PLCH1: variants seen among roughly 807,000 people sequenced by gnomAD.
PLCH1 encodes phospholipase C eta 1.
PLCH1 carries 60 observed loss-of-function variants against 126.7 expected under a neutral mutation model. The observed-to-expected ratio is 0.47, with a 90% CI of 0.38 to 0.59. The LOEUF (loss-of-function observed/expected upper bound fraction) is 0.59. Among genes scored for constraint, PLCH1 ranks in the 20% least tolerant of loss-of-function variants. The pLI is 0.00. For synonymous variants in PLCH1, 719 were observed against 734.9 expected (o/e 0.98, Z 0.35); for missense variants, 1,723 against 2,040.0 (o/e 0.84, Z 2.99).
chr3:155,564,960 C>G lies in PLCH1; in HGVS notation c.1024G>C (p.Asp342His). The G allele has an allele frequency of 6.2e-7, 1 of 1,613,984 alleles. No individual in the cohort carries two copies. The highest frequency in any genetic ancestry group is 8.5e-7 in the Non-Finnish European group (1 of 1,179,888). ...GDQLLSQSKV[D>H]MYARVLQEGC... is the part of the protein sequence containing the mutation. ...TCTTGCAGCACCCGTGCATACATAT[C>G]CACTTTGGACTGAGAAAGGAGCTGG... Residue 342 changes from aspartate (D) to histidine (H), a missense_variant, in exon 8 of 23, where the codon GAT becomes CAT. Around this residue, in one of 2 missense-constraint regions of PLCH1, gnomAD observed 776 missense variants for 1,062.9 expected, o/e 0.73. Transcript: ENST00000460012.
chr3:155,643,035 G>A (rs146232544), intron 2 of PLCH1, among the ~76,000 whole-genome samples: 1,588 of 152,158 alleles, frequency 0.01, 30 homozygotes, highest in African/African-American at 0.037. Flanking sequence ...TGCAACCTCC[G>A]CCTCCTGAGT....
chr3:155,607,400 T>G (rs1181037595), intron 2 of PLCH1, among the ~76,000 whole-genome samples: 5 of 152,114 alleles, frequency 3.3e-5, no homozygotes, highest in South Asian at 2.1e-4. Context: ...CATGAATGCA[T>G]TTTAGTTTTT....
chr3:155,561,114 CT>C (rs11344107), intron 8 of PLCH1, among the ~76,000 whole-genome samples: 74,107 of 149,804 alleles, frequency 0.49, 21,261 homozygotes, highest in Non-Finnish European at 0.65. Flanking sequence ...ATCACCTTTT[CT>C]TTTTTTTTTA....
At chr3:155,544,316 C>G (rs1724867647) in intron 10 of PLCH1, among the ~76,000 whole-genome samples, 1 of 152,124 alleles carries the variant, frequency 6.6e-6, no homozygotes, top group Admixed American at 6.5e-5. Flanking sequence ...GTAAAGGGAC[C>G]AATTCAACAA....
At chr3:155,623,956 A>C (rs1217749781) in intron 2 of PLCH1, among the ~76,000 whole-genome samples, 1 of 152,174 alleles carries the variant, frequency 6.6e-6, no homozygotes, top group East Asian at 1.9e-4. Flanking sequence ...AAAAAAGAAA[A>C]TTTCAGGCCC....
intron 2 of PLCH1, among the ~76,000 whole-genome samples, chr3:155,622,742 G>A (rs1736685164): frequency 6.6e-6 from 1 of 152,064 alleles, no homozygotes; most frequent in Non-Finnish European, 1.5e-5. Context: ...ACTCAACACA[G>A]GAGCACTCAG....
intron 6 of PLCH1, among the ~76,000 whole-genome samples, chr3:155,575,136 A>T (rs73154266): frequency 0.053 from 8,076 of 152,214 alleles, 252 homozygotes; most frequent in Middle Eastern, 0.1. Context: ...ATCTAAAAAA[A>T]AAATAAATAA....
At chr3:155,642,158 C>T (rs73007013) in intron 2 of PLCH1, among the ~76,000 whole-genome samples, 2,736 of 152,256 alleles carry the variant, frequency 0.018, 87 homozygotes, top group African/African-American at 0.062. Context: ...CCCTATTTTA[C>T]AACAGAAGCT....
intron 12 of PLCH1, among the ~76,000 whole-genome samples, chr3:155,513,272 A>C (rs1265206567): frequency 6.6e-6 from 1 of 152,202 alleles, no homozygotes; most frequent in African/African-American, 2.4e-5. Context: ...AAAAACCTCA[A>C]AAATAAGTAA....
intron 1 of PLCH1, among the ~76,000 whole-genome samples, chr3:155,708,408 T>G (rs114361478): frequency 0.021 from 3,242 of 152,246 alleles, 130 homozygotes; most frequent in African/African-American, 0.074. Context: ...AGACTTCAAC[T>G]AAGACAAACC....
In PLCH1 at chr3:155,525,160, T is replaced by C. The variant is rs138300862; in HGVS notation, c.1363-1156A>G. 7.7e-3 allele frequency among the ~76,000 whole-genome samples: 1,180 copies of C among 152,262 alleles called. 6 individuals carry two copies. The highest frequency in any genetic ancestry group is 0.021 in the South Asian group (100 of 4,822). ...CATAGTAAGACCCCATTTCTATTTTTATTAAAAAGTGAAAGAATAGATGAC... is the reference window on the plus strand; with the variant it reads ...CATAGTAAGACCCCATTTCTATTTTCATTAAAAAGTGAAAGAATAGATGAC... On this transcript the variant is annotated intron_variant, in intron 10 of 22. Transcript: ENST00000460012.
intron 1 of PLCH1, among the ~76,000 whole-genome samples, chr3:155,707,252 C>T (rs548403763): frequency 1.3e-5 from 2 of 152,254 alleles, no homozygotes; most frequent in South Asian, 4.1e-4. Context: ...GTTATAGCAG[C>T]CCAAAATGAA....
At chr3:155,615,998 T>G (rs1382669044) in intron 2 of PLCH1, among the ~76,000 whole-genome samples, 1 of 152,206 alleles carries the variant, frequency 6.6e-6, no homozygotes. Context: ...CATAAACTGC[T>G]TCTATGGCTT....
chr3:155,616,402 G>C (rs1209672150), intron 2 of PLCH1, among the ~76,000 whole-genome samples: 7 of 152,168 alleles, frequency 4.6e-5, no homozygotes, highest in Non-Finnish European at 1.0e-4. Flanking sequence ...GCATCATTTA[G>C]TTTTTCCATA....
downstream of PLCH1, among the ~76,000 whole-genome samples, chr3:155,475,951 C>T (rs144489783): frequency 1.6e-3 from 248 of 152,148 alleles, no homozygotes; most frequent in African/African-American, 5.6e-3. Context: ...GGAACACTTC[C>T]AAACTCTTTC....
At position 155,504,554 on chromosome 3, in the gene PLCH1, C is replaced by T. The variant is rs761849818; in HGVS notation, c.1704+1G>A. 3 of 1,556,158 alleles carry T rather than the reference C, an allele frequency of 1.9e-6. No homozygotes were observed. Among genetic ancestry groups the T allele is most frequent in the African/African-American group, 1.4e-5 (1 of 73,760 alleles). Reference sequence around the variant, plus strand: ...GCATAGTTATTACTCTTAATTCATACCTTATGTTTTCCAAAGTTGGTCATG... The same window carrying T: ...GCATAGTTATTACTCTTAATTCATATCTTATGTTTTCCAAAGTTGGTCATG... On this transcript the variant is annotated splice_donor_variant, in intron 13 of 22. Transcript: ENST00000460012. LOFTEE classifies it high-confidence loss of function.
At chr3:155,735,157 A>G (rs1749078973) in intron 1 of PLCH1, among the ~76,000 whole-genome samples, 1 of 152,178 alleles carries the variant, frequency 6.6e-6, no homozygotes, top group African/African-American at 2.4e-5. Flanking sequence ...AATCTAAAAA[A>G]GTTGAACTCA....
At chr3:155,659,665 A>C (rs868245317) in intron 2 of PLCH1, among the ~76,000 whole-genome samples, 2 of 151,082 alleles carry the variant, frequency 1.3e-5, no homozygotes, top group Admixed American at 6.6e-5. Flanking sequence ...TGCCCAGCTA[A>C]TTTTTGTATT....
chr3:155,464,127 C>T (rs569350383), intron 21 of PLCH1, among the ~76,000 whole-genome samples: 39 of 152,136 alleles, frequency 2.6e-4, no homozygotes, highest in Non-Finnish European at 4.9e-4. Flanking sequence ...TTGTGTAATT[C>T]TTGATGGGTT....
Sources: gnomAD v4.1 joint callset for allele counts (sites outside exome capture counted in the v4.1 genomes callset) on GRCh38, gnomAD v4.1.1 for gene constraint, gnomAD v4.1.1 regional missense constraint, MANE v1.5 for transcripts, NCBI Gene and HGNC (gene_info 2026-07-23, HGNC 2026-07-21) for gene names.